M1AP: variants seen among roughly 807,000 people sequenced by gnomAD.
M1AP encodes meiosis 1 arrest protein.
M1AP carries 39 observed loss-of-function variants against 51.2 expected under a neutral mutation model. The ratio of observed to expected loss-of-function variants is 0.76; its 90% CI spans 0.59 to 1.00. M1AP has a LOEUF of 1.00. Among genes scored for constraint, M1AP ranks in the 50% least tolerant of loss-of-function variants. M1AP has a pLI of 0.00. For missense variants in M1AP, 545 were observed against 641.2 expected, an observed-to-expected ratio of 0.85 and a Z score of 1.62; for synonymous variants, 251 against 249.2, an observed-to-expected ratio of 1.01 and a Z score of -0.07.
intron 9 of M1AP, 106 bp downstream of exon 9, chr2:74,560,045 T>C: frequency 2.3e-6 from 3 of 1,283,198 alleles, no homozygotes; most frequent in Non-Finnish European, 3.2e-6. Flanking sequence ...GGCTACTCCC[T>C]TGGATGGGGG....
chr2:74,626,406 C>G (rs1682396347), intron 2 of M1AP, among the ~76,000 whole-genome samples: 1 of 151,802 alleles, frequency 6.6e-6, no homozygotes, highest in Non-Finnish European at 1.5e-5. Flanking sequence ...TGCAGGCCAC[C>G]ATGTCTGGCT....
intron 4 of M1AP, among the ~76,000 whole-genome samples, chr2:74,601,744 T>A (rs966247650): frequency 1.3e-5 from 2 of 152,160 alleles, no homozygotes; most frequent in African/African-American, 4.8e-5. Context: ...CTAATGTGAA[T>A]GTAATTTAAA....
chr2:74,569,520 A>G (rs1012544405), intron 7 of M1AP, among the ~76,000 whole-genome samples: 1 of 151,760 alleles, frequency 6.6e-6, no homozygotes, highest in Non-Finnish European at 1.5e-5. Context: ...GACTACAGGC[A>G]TGTGCCACCA....
intron 2 of M1AP, among the ~76,000 whole-genome samples, chr2:74,638,150 G>C (rs570580169): frequency 6.6e-6 from 1 of 152,098 alleles, no homozygotes; most frequent in South Asian, 2.1e-4. Flanking sequence ...CGCCTCCAGG[G>C]TTCAAGCGAT....
At chr2:74,595,929 A>G (rs1680306721) in intron 4 of M1AP, among the ~76,000 whole-genome samples, 1 of 152,238 alleles carries the variant, frequency 6.6e-6, no homozygotes, top group Non-Finnish European at 1.5e-5. Context: ...GACTGTAAAA[A>G]GTTAGGTATA....
chr2:74,569,044 G>T (rs548356740), intron 7 of M1AP, among the ~76,000 whole-genome samples: 3 of 152,166 alleles, frequency 2.0e-5, no homozygotes, highest in Non-Finnish European at 4.4e-5. Flanking sequence ...AGAAAAAAGA[G>T]ACAATAGAAA....
chr2:74,614,110 C>G (rs920689200), intron 3 of M1AP, among the ~76,000 whole-genome samples: 4 of 152,258 alleles, frequency 2.6e-5, no homozygotes, highest in East Asian at 3.9e-4. Context: ...TTAGACATGT[C>G]TACACCTAGC....
intron 4 of M1AP, among the ~76,000 whole-genome samples, chr2:74,587,755 G>A (rs958551224): frequency 6.6e-6 from 1 of 152,256 alleles, no homozygotes; most frequent in East Asian, 1.9e-4. Context: ...GGAGTGAAAC[G>A]GTGGCCCTTA....
chr2:74,578,163 G>A (rs978668274), intron 5 of M1AP, among the ~76,000 whole-genome samples: 1 of 152,182 alleles, frequency 6.6e-6, no homozygotes, highest in Non-Finnish European at 1.5e-5. Flanking sequence ...GGCCACAGGG[G>A]TTGGGGACCC....
At chr2:74,578,265 T>A (rs1573086361) in intron 5 of M1AP, among the ~76,000 whole-genome samples, 1 of 152,184 alleles carries the variant, frequency 6.6e-6, no homozygotes, top group East Asian at 1.9e-4. Context: ...CAGACACTGG[T>A]ATTTTATTAT....
intron 7 of M1AP, among the ~76,000 whole-genome samples, chr2:74,565,625 A>C (rs1678325099): frequency 6.6e-6 from 1 of 152,058 alleles, no homozygotes; most frequent in African/African-American, 2.4e-5. Context: ...TCAGGAGTTC[A>C]AGACCAGCCT....
chr2:74,580,299 A>G (rs1390629373), intron 5 of M1AP, among the ~76,000 whole-genome samples: 2 of 152,252 alleles, frequency 1.3e-5, no homozygotes, highest in African/African-American at 4.8e-5. Context: ...TAGCTTCTAT[A>G]TAAAGTTGCT....
At chr2:74,647,182 C>T (rs1361115221) in intron 1 of M1AP, 1 of 978,330 alleles carries the variant, frequency 1.0e-6, no homozygotes, top group African/African-American at 1.8e-5. Context: ...AATCCAATAT[C>T]TTTACCCTGG....
At chr2:74,598,264 C>T (rs2104662895) in intron 4 of M1AP, among the ~76,000 whole-genome samples, 1 of 152,170 alleles carries the variant, frequency 6.6e-6, no homozygotes, top group African/African-American at 2.4e-5. Flanking sequence ...CACCTGTAAT[C>T]CCAGCTACTC....
At chr2:74,644,590 GAA>G (rs1185423813) in intron 1 of M1AP, among the ~76,000 whole-genome samples, 1 of 151,086 alleles carries the variant, frequency 6.6e-6, no homozygotes, top group East Asian at 1.9e-4. Flanking sequence ...ATGAATCAGT[GAA>G]GTTATTCTCT....
chr2:74,590,328 C>T (rs1457979149), intron 4 of M1AP, among the ~76,000 whole-genome samples: 1 of 151,856 alleles, frequency 6.6e-6, no homozygotes, highest in South Asian at 2.1e-4. Context: ...TATAAAAGCA[C>T]TAATCCCATT....
intron 1 of M1AP, among the ~76,000 whole-genome samples, chr2:74,646,051 T>C (rs912514253): frequency 5.3e-5 from 8 of 152,214 alleles, no homozygotes; most frequent in African/African-American, 1.9e-4. Context: ...ATCAATAGTA[T>C]AGTATACTGA....
At chr2:74,621,269 G>A (rs1682013453) in intron 2 of M1AP, among the ~76,000 whole-genome samples, 2 of 151,774 alleles carry the variant, frequency 1.3e-5, no homozygotes, top group Admixed American at 1.3e-4. Context: ...GCGACAGAGC[G>A]AGGCTCCGTC....
chr2:74,605,771 G>A (rs1680938888), intron 4 of M1AP, among the ~76,000 whole-genome samples: 1 of 151,858 alleles, frequency 6.6e-6, no homozygotes, highest in Non-Finnish European at 1.5e-5. Context: ...CTTGGTGGCG[G>A]GTGCCTGTAA....
Sources: allele counts gnomAD v4.1 joint callset (sites outside exome capture counted in the v4.1 genomes callset), GRCh38; gene constraint gnomAD v4.1.1; transcripts MANE v1.5; gene names NCBI Gene and HGNC (gene_info 2026-07-23, HGNC 2026-07-21).